Variants in PRUNE2 observed in about 807,000 individuals in gnomAD.
The protein encoded by PRUNE2 is prune homolog 2 with BCH domain.
Under a neutral mutation model 252.0 loss-of-function variants are expected in PRUNE2, and 164 were observed. That is an observed-to-expected ratio of 0.65 (90% CI 0.57 to 0.74). The LOEUF (loss-of-function observed/expected upper bound fraction) is 0.74, where lower values mean the gene tolerates loss of function less well. PRUNE2 is among the 30% of genes least tolerant of loss of function. The pLI is 0.00. For synonymous variants in PRUNE2, 1,292 were observed against 1,350.2 expected, an observed-to-expected ratio of 0.96 and a Z score of 0.94; for missense variants, 3,495 against 3,711.0, an observed-to-expected ratio of 0.94 and a Z score of 1.51.
chr9:76,669,954 T>C (rs10120887), intron 9 of PRUNE2, among the ~76,000 whole-genome samples: 2,763 of 152,256 alleles, frequency 0.018, 75 homozygotes, highest in African/African-American at 0.063. Context: ...TTGCCCTCTC[T>C]CTCTTTGGGA....
At chr9:76,701,003 G>T (rs772808784) in intron 9 of PRUNE2, among the ~76,000 whole-genome samples, 1 of 152,172 alleles carries the variant, frequency 6.6e-6, no homozygotes, top group South Asian at 2.1e-4. Context: ...TTTTACTTAT[G>T]TCTAACTCTT....
intron 6 of PRUNE2, among the ~76,000 whole-genome samples, chr9:76,720,232 C>T (rs1329017): frequency 0.22 from 33,033 of 151,992 alleles, 4,038 homozygotes; most frequent in East Asian, 0.58. Flanking sequence ...CATTTCTAGA[C>T]GTATTCAAAT....
intron 1 of PRUNE2, among the ~76,000 whole-genome samples, chr9:76,875,600 G>A (rs901707381): frequency 2.6e-5 from 4 of 152,112 alleles, no homozygotes; most frequent in Admixed American, 2.0e-4. Flanking sequence ...TCCTGACCTT[G>A]TGATCTGCCC....
chr9:76,868,706 T>C (rs1487553632), intron 1 of PRUNE2, among the ~76,000 whole-genome samples: 1 of 152,104 alleles, frequency 6.6e-6, no homozygotes, highest in Admixed American at 6.5e-5. Context: ...CCCTGAAGAC[T>C]AGTATCTTAA....
In PRUNE2 at chr9:76,644,757, TC is replaced by T. The variant is rs1188623946; in HGVS notation, c.8709del (p.Arg2904GlufsTer13). The T allele has an allele frequency of 6.2e-7, 1 of 1,613,788 alleles. No individual in the cohort carries two copies. Among genetic ancestry groups the T allele is most frequent in the African/African-American group, 1.3e-5 (1 of 74,926 alleles). On this transcript the variant is annotated frameshift_variant, in exon 12 of 19. Coordinates refer to ENST00000376718, the MANE Select transcript of PRUNE2 (RefSeq NM_015225.3). LOFTEE classifies it high-confidence loss of function. ...CGACTACCTCCGTGAGAAATGACTCTCCTGTAGGGCTCGATGACCTTCATGT... is the reference window on the plus strand; with the variant it reads ...CGACTACCTCCGTGAGAAATGACTCTCTGTAGGGCTCGATGACCTTCATGT... ...RIDMKVIEPY[R>X]RVISHGGYYG...
chr9:76,690,069 T>C (rs2044545492), intron 9 of PRUNE2, among the ~76,000 whole-genome samples: 1 of 152,218 alleles, frequency 6.6e-6, no homozygotes. Context: ...AGCAACATAG[T>C]GATAAACCTA....
chr9:76,619,256 C>CTCAGTG (rs1831056200), intron 18 of PRUNE2, 84 bp downstream of exon 18: 1 of 883,238 alleles, frequency 1.1e-6, no homozygotes, highest in East Asian at 2.6e-5. Context: ...AGGGTTTACC[C>CTCAGTG]AGTCCTCAGT....
chr9:76,787,303 G>T (rs989262761), intron 6 of PRUNE2: 17 of 150,390 alleles, frequency 1.1e-4, no homozygotes, highest in African/African-American at 3.7e-4. Context: ...ATATTACGTT[G>T]TTATTATTTT....
chr9:76,893,605 C>T (rs561771074), intron 1 of PRUNE2, among the ~76,000 whole-genome samples: 1 of 152,308 alleles, frequency 6.6e-6, no homozygotes, highest in Admixed American at 6.5e-5. Context: ...CTATGAAACC[C>T]TTTGTGTATG....
intron 6 of PRUNE2, among the ~76,000 whole-genome samples, chr9:76,790,304 A>G (rs948812095): frequency 1.3e-5 from 2 of 152,220 alleles, no homozygotes; most frequent in African/African-American, 4.8e-5. Context: ...GCAATAATGA[A>G]TTAATCAATA....
At chr9:76,885,044 G>A (rs1477236754) in intron 1 of PRUNE2, among the ~76,000 whole-genome samples, 2 of 152,184 alleles carry the variant, frequency 1.3e-5, no homozygotes, top group Admixed American at 6.5e-5. Flanking sequence ...GCCAATCTGT[G>A]TGTGCCACAC....
chr9:76,684,869 AGCCTCCC>A (rs2043901133), intron 9 of PRUNE2, among the ~76,000 whole-genome samples: 1 of 152,162 alleles, frequency 6.6e-6, no homozygotes, highest in South Asian at 2.1e-4. Context: ...CTTCTGCATC[AGCCTCCC>A]GAGTAGCTGG....
intron 9 of PRUNE2, among the ~76,000 whole-genome samples, chr9:76,694,447 C>T (rs1415704270): frequency 8.5e-5 from 13 of 152,080 alleles, no homozygotes; most frequent in East Asian, 3.9e-4. Context: ...CCTCCCAAAG[C>T]GCTGGGATTA....
chr9:76,829,456 T>C (rs2058542892), intron 4 of PRUNE2, among the ~76,000 whole-genome samples: 1 of 152,196 alleles, frequency 6.6e-6, no homozygotes, highest in Non-Finnish European at 1.5e-5. Flanking sequence ...GGACAAGGGT[T>C]GGAAAACTAC....
intron 6 of PRUNE2, among the ~76,000 whole-genome samples, chr9:76,820,045 T>A (rs2057943381): frequency 6.6e-6 from 1 of 152,182 alleles, no homozygotes; most frequent in East Asian, 1.9e-4. Flanking sequence ...GATTCCAATA[T>A]GTCATGTGCA....
chr9:76,854,225 G>T lies in PRUNE2; in HGVS notation c.37-17C>A. On this transcript the variant is annotated splice_polypyrimidine_tract_variant and intron_variant, in intron 1 of 18. Transcript: ENST00000376718. The stretch of plus-strand genomic sequence containing the variant: ...GCTTCGATTCTGAAACAAATTCAAA[G>T]GAAACATCACAATTTAACAGGTGAC... The T allele has an allele frequency of 7.1e-7, 1 of 1,410,558 alleles. No homozygotes were observed. The highest frequency in any genetic ancestry group is 9.9e-7 in the Non-Finnish European group (1 of 1,009,806). The allele number at this position is 1,410,558 out of a possible 1,614,324, so 87.4% of individuals were successfully genotyped here. A position where few individuals can be genotyped will look rare whatever the true frequency, so the allele number is the denominator to read the frequency against.
At chr9:76,672,910 A>G (rs1325999775) in intron 9 of PRUNE2, among the ~76,000 whole-genome samples, 25 of 137,984 alleles carry the variant, frequency 1.8e-4, no homozygotes, top group South Asian at 2.6e-4. Context: ...AGCAGTGTGT[A>G]GAGGGAAATT....
chr9:76,885,326 T>A (rs182399981), intron 1 of PRUNE2, among the ~76,000 whole-genome samples: 1 of 152,236 alleles, frequency 6.6e-6, no homozygotes, highest in Non-Finnish European at 1.5e-5. Flanking sequence ...TAATGCCTTC[T>A]AGCTTGGTGC....
intron 4 of PRUNE2, among the ~76,000 whole-genome samples, chr9:76,838,526 T>C (rs988598388): frequency 1.3e-5 from 2 of 151,016 alleles, no homozygotes; most frequent in African/African-American, 4.9e-5. Context: ...ATGCCTGTAA[T>C]CCCAGCCACT....
Sources: gnomAD v4.1 joint callset for allele counts (sites outside exome capture counted in the v4.1 genomes callset) on GRCh38, gnomAD v4.1.1 for gene constraint, MANE v1.5 for transcripts, NCBI Gene and HGNC (gene_info 2026-07-23, HGNC 2026-07-21) for gene names.